Variants in EXOC5 observed in about 807,000 individuals in gnomAD.
EXOC5 encodes the protein SEC10-like 1.
In EXOC5, 17 loss-of-function variants were observed where a neutral mutation model predicts 90.8. The ratio of observed to expected loss-of-function variants is 0.19; its 90% CI spans 0.13 to 0.28. EXOC5 has a LOEUF of 0.28. Among genes scored for constraint, EXOC5 ranks in the 10% least tolerant of loss-of-function variants. The pLI is 1.00. For synonymous variants in EXOC5, 260 were observed against 270.0 expected (o/e 0.96, Z 0.36); for missense variants, 569 against 830.6 (o/e 0.69, Z 3.87).
At chr14:57,258,139 C>T (rs1307642730) in intron 1 of EXOC5, among the ~76,000 whole-genome samples, 4 of 152,100 alleles carry the variant, frequency 2.6e-5, no homozygotes, top group Non-Finnish European at 4.4e-5. Context: ...GACAGTGTGA[C>T]GATTCCTCAA....
intron 1 of EXOC5, among the ~76,000 whole-genome samples, chr14:57,252,215 C>A (rs1414582273): frequency 6.6e-6 from 1 of 152,180 alleles, no homozygotes; most frequent in Non-Finnish European, 1.5e-5. Flanking sequence ...ATGAGGCCAG[C>A]ATTACCCTGA....
chr14:57,238,687 C>T (rs938818591), intron 5 of EXOC5, among the ~76,000 whole-genome samples: 1 of 151,770 alleles, frequency 6.6e-6, no homozygotes, highest in Non-Finnish European at 1.5e-5. Flanking sequence ...ATTGCTAATT[C>T]TTCATGATAA....
Position 57,268,873 on chromosome 14 carries a change from A to G in EXOC5, c.-225T>C. The G allele has an allele frequency of 1.7e-6, 2 of 1,193,442 alleles. No homozygotes were observed. Among genetic ancestry groups the G allele is most frequent in the East Asian group, 2.9e-5 (1 of 34,468 alleles). The allele number at this position is 1,193,442 out of a possible 1,614,324, so 73.9% of individuals were successfully genotyped here. ...TCCCGGCGCCGCCCGCGCTGCTCCC[A>G]TTGTCACCGCCTCATACGCCGGAAG... On this transcript the variant is annotated 5_prime_UTR_variant, in exon 1 of 18. An upstream start codon of the reference 5' UTR is lost. Transcript: ENST00000621441.
In EXOC5 at chr14:57,262,587, T is replaced by C. The variant is rs116242710; in HGVS notation, c.27+6035A>G. On this transcript the variant is annotated intron_variant, in intron 1 of 17. Coordinates refer to ENST00000621441, the MANE Select transcript of EXOC5 (RefSeq NM_006544.4). ...GTGTATATATATATACGTATATATA[T>C]ACACATATATTAAGTATATATATAC... Among the ~76,000 whole-genome samples, 388 of 147,436 alleles carry C rather than the reference T, an allele frequency of 2.6e-3. 2 individuals are homozygous for C. The highest frequency in any genetic ancestry group is 8.9e-3 in the African/African-American group (358 of 40,356).
chr14:57,268,852 GGCGCCGCCC>G lies in EXOC5; in HGVS notation c.-213_-205del. On this transcript the variant is annotated 5_prime_UTR_variant, in exon 1 of 18. Coordinates refer to ENST00000621441, the MANE Select transcript of EXOC5 (RefSeq NM_006544.4). ...CGCAAACGCTTGTCAGCTGCCTCCC[GGCGCCGCCC>G]GCGCTGCTCCCATTGTCACCGCCTC... The G allele has an allele frequency of 7.9e-7, 1 of 1,265,738 alleles. No homozygotes were observed. The highest frequency in any genetic ancestry group is 1.7e-5 in the South Asian group (1 of 58,710). The allele number at this position is 1,265,738 out of a possible 1,614,324, so 78.4% of individuals were successfully genotyped here. A position where few individuals can be genotyped will look rare whatever the true frequency, so the allele number is the denominator to read the frequency against.
intron 5 of EXOC5, among the ~76,000 whole-genome samples, chr14:57,238,585 T>C (rs1306787394): frequency 1.3e-5 from 2 of 151,490 alleles, no homozygotes. Flanking sequence ...TAAAGAGAAG[T>C]TTTGGTGGGT....
chr14:57,254,107 A>G (rs1884273668), intron 1 of EXOC5, among the ~76,000 whole-genome samples: 1 of 152,192 alleles, frequency 6.6e-6, no homozygotes, highest in Admixed American at 6.5e-5. Flanking sequence ...TGTTTCTCCA[A>G]AGATATATAA....
intron 3 of EXOC5, 126 bp from the exon 4 acceptor site, chr14:57,244,485 G>A (rs1883974127): frequency 8.6e-6 from 6 of 700,618 alleles, no homozygotes; most frequent in Non-Finnish European, 1.5e-5. Context: ...CAAAATTCAT[G>A]CTCATTAGTG....
In EXOC5 at chr14:57,202,420, C is replaced by T. The variant is rs1245384702; in HGVS notation, c.*6189G>A. The T allele has an allele frequency of 6.6e-6, 1 of 152,180 alleles. No homozygotes were observed. Among genetic ancestry groups the T allele is most frequent in the African/African-American group, 2.4e-5 (1 of 41,442 alleles). The allele number at this position is 152,180 out of a possible 1,614,324, so 9.4% of individuals were successfully genotyped here. On this transcript the variant is annotated 3_prime_UTR_variant, in exon 18 of 18. Coordinates refer to ENST00000621441, the MANE Select transcript of EXOC5 (RefSeq NM_006544.4). ...TGTATTGTAGTTATACTGAAGCATT[C>T]TTTCTTCTTGGAAATACAAAAGTAT...
At chr14:57,224,821 GGA>G (rs1185731438) in intron 12 of EXOC5, among the ~76,000 whole-genome samples, 1 of 152,158 alleles carries the variant, frequency 6.6e-6, no homozygotes, top group African/African-American at 2.4e-5. Flanking sequence ...CAGCACTTTG[GGA>G]AGCCGAGGCG....
In EXOC5 at chr14:57,207,917, T is replaced by C. The variant is rs908523727; in HGVS notation, c.*692A>G. 1.1e-4 allele frequency: 17 copies of C among 152,128 alleles called. No homozygotes were observed. The highest frequency in any genetic ancestry group is 4.1e-4 in the African/African-American group (17 of 41,456). The allele number at this position is 152,128 out of a possible 1,614,324, so 9.4% of individuals were successfully genotyped here. A position where few individuals can be genotyped will look rare whatever the true frequency, so the allele number is the denominator to read the frequency against. ...TAAAATCTATTTACCAAATAAGAAA[T>C]AGTAAACTTTTAAGTTTTACCCAGA... On this transcript the variant is annotated 3_prime_UTR_variant, in exon 18 of 18. Coordinates refer to ENST00000621441, the MANE Select transcript of EXOC5 (RefSeq NM_006544.4).
chr14:57,239,430 A>G (rs1883786555), intron 5 of EXOC5, 165 bp downstream of exon 5: 1 of 517,506 alleles, frequency 1.9e-6, no homozygotes, highest in African/African-American at 2.0e-5. Flanking sequence ...ACTATTTTAC[A>G]CTGCATCTTG....
intron 15 of EXOC5, among the ~76,000 whole-genome samples, chr14:57,213,128 A>C (rs1051866266): frequency 6.6e-6 from 1 of 152,096 alleles, no homozygotes; most frequent in African/African-American, 2.4e-5. Context: ...TCACACCTGT[A>C]ATCCCAGCAC....
chr14:57,246,932 A>C, intron 2 of EXOC5, 74 bp from the exon 3 acceptor site: 1 of 828,998 alleles, frequency 1.2e-6, no homozygotes, highest in East Asian at 2.7e-5. Context: ...TTAACTTATA[A>C]TCATAGTCTT....
chr14:57,239,444 A>C (rs767539899), intron 5 of EXOC5, 151 bp downstream of exon 5: 8 of 584,174 alleles, frequency 1.4e-5, no homozygotes, highest in Non-Finnish European at 2.1e-5. Context: ...CATCTTGTAC[A>C]AAGTGAATAA....
intron 1 of EXOC5, among the ~76,000 whole-genome samples, chr14:57,260,749 C>A (rs974769250): frequency 3.3e-5 from 5 of 152,062 alleles, no homozygotes; most frequent in African/African-American, 1.2e-4. Context: ...AATAAAGAAA[C>A]TGAGGAAATG....
intron 2 of EXOC5, among the ~76,000 whole-genome samples, chr14:57,247,361 T>A (rs1566502604): frequency 5.9e-5 from 9 of 152,192 alleles, no homozygotes; most frequent in African/African-American, 2.2e-4. Context: ...ATTTCTAGTT[T>A]ATGACTCATT....
At chr14:57,222,029 C>A (rs1479555621) in intron 13 of EXOC5, among the ~76,000 whole-genome samples, 2 of 152,058 alleles carry the variant, frequency 1.3e-5, no homozygotes, top group Admixed American at 6.6e-5. Flanking sequence ...TTTTGCTCCT[C>A]GACATTTTCT....
In EXOC5 at chr14:57,204,073, T is replaced by C. The variant is rs1383852658; in HGVS notation, c.*4536A>G. The C allele has an allele frequency of 6.6e-6, 1 of 152,364 alleles. No individual in the cohort carries two copies. Among genetic ancestry groups the C allele is most frequent in the African/African-American group, 2.4e-5 (1 of 41,448 alleles). The allele number at this position is 152,364 out of a possible 1,614,324, so 9.4% of individuals were successfully genotyped here. A position where few individuals can be genotyped will look rare whatever the true frequency, so the allele number is the denominator to read the frequency against. ...TATGGTGAGGCAGACTGCAACCTTC[T>C]AAACCACTTAGAAAATGGGCGAGTG... On this transcript the variant is annotated 3_prime_UTR_variant, in exon 18 of 18. Coordinates refer to ENST00000621441, the MANE Select transcript of EXOC5 (RefSeq NM_006544.4).
Sources: allele counts gnomAD v4.1 joint callset (sites outside exome capture counted in the v4.1 genomes callset), GRCh38; gene constraint gnomAD v4.1.1; transcripts MANE v1.5; gene names NCBI Gene and HGNC (gene_info 2026-07-23, HGNC 2026-07-21).